The following CES5A variants were observed in gnomAD, a reference collection of about 807,000 sequenced individuals.
The protein encoded by CES5A is carboxylesterase 5.
A neutral mutation model predicts 62.9 loss-of-function variants in CES5A; 67 were observed. That is an observed-to-expected ratio of 1.07 (90% CI 0.88 to 1.31). CES5A has a LOEUF of 1.31. Ranked by LOEUF, CES5A falls within the 50% of genes most tolerant of loss-of-function variation. The probability of loss-of-function intolerance (pLI) is 0.00; values close to 1 mark genes in which losing one functional copy is unlikely to be tolerated. For missense variants in CES5A, 748 were observed against 708.5 expected (o/e 1.06, Z -0.63); for synonymous variants, 296 against 280.8 (o/e 1.05, Z -0.54).
chr16:55,934,866 G>C (rs2034353865), intron 2 of CES5A, among the ~76,000 whole-genome samples: 1 of 152,240 alleles, frequency 6.6e-6, no homozygotes, highest in African/African-American at 2.4e-5. Context: ...AGTTACTGGT[G>C]TAAGTTTTAG....
At chr16:55,877,454 ATG>A (rs778731498), upstream of CES5A, among the ~76,000 whole-genome samples, 965 of 113,866 alleles carry the variant, frequency 8.5e-3, 15 homozygotes, top group African/African-American at 0.03. Context: ...ATATATATGT[ATG>A]TGTGTGTGTG....
At chr16:55,913,493 G>C (rs1390840618) in intron 1 of CES5A, among the ~76,000 whole-genome samples, 2 of 152,290 alleles carry the variant, frequency 1.3e-5, no homozygotes, top group East Asian at 1.9e-4. Context: ...AAAGCAGACT[G>C]GTCCCCAGGA....
intron 1 of CES5A, among the ~76,000 whole-genome samples, chr16:55,953,469 A>C (rs1247666154): frequency 3.9e-5 from 6 of 152,194 alleles, no homozygotes; most frequent in African/African-American, 1.4e-4. Flanking sequence ...TAGATATAAA[A>C]TCAACACACA....
At chr16:55,849,092 A>G (rs1416099761) in intron 11 of CES5A, among the ~76,000 whole-genome samples, 1 of 152,178 alleles carries the variant, frequency 6.6e-6, no homozygotes, top group Non-Finnish European at 1.5e-5. Context: ...ATTTTTTTCT[A>G]TTGATAACCT....
At chr16:55,885,978 C>T (rs917484761) in intron 1 of CES5A, among the ~76,000 whole-genome samples, 4 of 152,232 alleles carry the variant, frequency 2.6e-5, no homozygotes, top group African/African-American at 7.2e-5. Flanking sequence ...GCTGACCCCA[C>T]GTTGTCTCCC....
At chr16:55,913,976 G>A (rs2034120381) in intron 1 of CES5A, among the ~76,000 whole-genome samples, 1 of 152,164 alleles carries the variant, frequency 6.6e-6, no homozygotes, top group Non-Finnish European at 1.5e-5. Context: ...GCAGAAATCA[G>A]AGTCAGATCC....
intron 2 of CES5A, among the ~76,000 whole-genome samples, chr16:55,937,162 C>T (rs2034385484): frequency 6.6e-6 from 1 of 152,154 alleles, no homozygotes; most frequent in Non-Finnish European, 1.5e-5. Context: ...AGACCCACCT[C>T]AAGATCTGTG....
intron 2 of CES5A, among the ~76,000 whole-genome samples, chr16:55,930,663 T>C (rs1216683528): frequency 1.3e-5 from 2 of 152,208 alleles, no homozygotes; most frequent in Non-Finnish European, 2.9e-5. Flanking sequence ...TTTTGAATGG[T>C]TCTCTTCATG....
At chr16:55,917,742 C>T (rs2034161892) in intron 1 of CES5A, among the ~76,000 whole-genome samples, 1 of 152,104 alleles carries the variant, frequency 6.6e-6, no homozygotes, top group African/African-American at 2.4e-5. Flanking sequence ...GTCATTAAAT[C>T]CAGCCCACAC....
chr16:55,940,714 C>A (rs1041008782), intron 2 of CES5A, among the ~76,000 whole-genome samples: 2 of 151,550 alleles, frequency 1.3e-5, no homozygotes, highest in Non-Finnish European at 3.0e-5. Context: ...AAAATAGCGA[C>A]AAATAGAAAA....
intron 2 of CES5A, among the ~76,000 whole-genome samples, chr16:55,936,806 A>G (rs2034381338): frequency 6.6e-6 from 1 of 152,216 alleles, no homozygotes; most frequent in Non-Finnish European, 1.5e-5. Flanking sequence ...TTGAGTATCT[A>G]TTAAATATAA....
At chr16:55,858,347 C>G (rs74019303) in intron 8 of CES5A, among the ~76,000 whole-genome samples, 1,701 of 152,290 alleles carry the variant, frequency 0.011, 29 homozygotes, top group African/African-American at 0.038. Flanking sequence ...AAAATCATGC[C>G]TGTTTTCAAG....
intron 1 of CES5A, among the ~76,000 whole-genome samples, chr16:55,919,840 C>T (rs915259987): frequency 2.0e-5 from 3 of 152,104 alleles, no homozygotes; most frequent in South Asian, 2.1e-4. Context: ...TCTTTTTGCC[C>T]GGCAGTGTGC....
At chr16:55,865,818 A>C in intron 5 of CES5A, 145 bp downstream of exon 5, 1 of 897,902 alleles carries the variant, frequency 1.1e-6, no homozygotes. Flanking sequence ...CCCCTAACTC[A>C]TAATGTGTTG....
chr16:55,852,836 G>A (rs199853106), intron 10 of CES5A, 45 bp downstream of exon 10: 2 of 1,581,780 alleles, frequency 1.3e-6, no homozygotes, highest in Non-Finnish European at 1.7e-6. Flanking sequence ...GTGGCCACCA[G>A]CCTCACTGGG....
chr16:55,853,605 T>C (rs77962112), intron 9 of CES5A, among the ~76,000 whole-genome samples: 1 of 152,268 alleles, frequency 6.6e-6, no homozygotes, highest in African/African-American at 2.4e-5. Context: ...TCTGTAGGGA[T>C]GTGGAGGATT....
At chr16:55,954,685 C>CT (rs2034591102) in intron 1 of CES5A, among the ~76,000 whole-genome samples, 1 of 152,188 alleles carries the variant, frequency 6.6e-6, no homozygotes, top group Non-Finnish European at 1.5e-5. Context: ...CAGCCACAGT[C>CT]CTGGCTGCAG....
At chr16:55,890,754 G>GC (rs1163765497) in intron 1 of CES5A, among the ~76,000 whole-genome samples, 1 of 152,052 alleles carries the variant, frequency 6.6e-6, no homozygotes. Context: ...GGGGTCTGGG[G>GC]AGTCATGCTC....
chr16:55,873,687 C>A, intron 2 of CES5A, 146 bp downstream of exon 2: 1 of 725,226 alleles, frequency 1.4e-6, no homozygotes, highest in East Asian at 2.7e-5. Context: ...CAGGGGATTA[C>A]CAAACCACTC....
Sources: gnomAD v4.1 joint callset for allele counts (sites outside exome capture counted in the v4.1 genomes callset) on GRCh38, gnomAD v4.1.1 for gene constraint, MANE v1.5 for transcripts, NCBI Gene and HGNC (gene_info 2026-07-23, HGNC 2026-07-21) for gene names.